Variants in SLC4A5 observed in about 807,000 individuals in gnomAD.
The protein encoded by SLC4A5 is solute carrier family 4 member 5, also known as electrogenic sodium bicarbonate cotransporter 4.
In SLC4A5, 96 loss-of-function variants were observed where a neutral mutation model predicts 120.4. That is an observed-to-expected ratio of 0.80 (90% confidence interval 0.68 to 0.94). The LOEUF is 0.94. Ranked by LOEUF, SLC4A5 falls within the 40% of genes least tolerant of loss-of-function variation. SLC4A5 has a pLI of 0.00. For missense variants in SLC4A5, 1,259 were observed against 1,459.5 expected (o/e 0.86, Z 2.24); for synonymous variants, 550 against 571.1 (o/e 0.96, Z 0.53).
intron 8 of SLC4A5, among the ~76,000 whole-genome samples, chr2:74,267,259 A>C (rs2104064253): frequency 6.6e-6 from 1 of 152,304 alleles, no homozygotes; most frequent in East Asian, 1.9e-4. Context: ...TTCAACATTC[A>C]GTGTGCATGC....
intron 4 of SLC4A5, among the ~76,000 whole-genome samples, chr2:74,328,804 T>G (rs1190184208): frequency 6.6e-6 from 1 of 152,230 alleles, no homozygotes; most frequent in Non-Finnish European, 1.5e-5. Context: ...ACCTAAATGT[T>G]CAGCTGTCAG....
intron 30 of SLC4A5, among the ~76,000 whole-genome samples, chr2:74,219,740 G>T (rs901240098): frequency 6.6e-6 from 1 of 152,138 alleles, no homozygotes; most frequent in African/African-American, 2.4e-5. Context: ...TTTTATAAAT[G>T]AAAATAAGAT....
intron 17 of SLC4A5, among the ~76,000 whole-genome samples, 168 bp downstream of exon 17, chr2:74,250,175 G>A (rs1306858191): frequency 6.6e-6 from 1 of 152,166 alleles, no homozygotes; most frequent in Non-Finnish European, 1.5e-5. Flanking sequence ...TTTTAATATT[G>A]TCTTATTATA....
At chr2:74,324,841 T>A (rs935111568) in intron 5 of SLC4A5, among the ~76,000 whole-genome samples, 6 of 152,126 alleles carry the variant, frequency 3.9e-5, no homozygotes, top group African/African-American at 1.4e-4. Flanking sequence ...TGTCCTTAAC[T>A]GGGCCAATCA....
At chr2:74,276,156 G>A (rs541700552) in intron 8 of SLC4A5, among the ~76,000 whole-genome samples, 3 of 152,040 alleles carry the variant, frequency 2.0e-5, no homozygotes, top group African/African-American at 4.8e-5. Context: ...GAGAAGGAGA[G>A]AAAAAGAGAA....
chr2:74,281,661 CA>C, intron 8 of SLC4A5, among the ~76,000 whole-genome samples: 1 of 152,266 alleles, frequency 6.6e-6, no homozygotes, highest in African/African-American at 2.4e-5. Flanking sequence ...CAGCAGAGCT[CA>C]AAAAGCCATT....
chr2:74,268,506 C>T (rs1396302851), intron 8 of SLC4A5, among the ~76,000 whole-genome samples: 1 of 152,254 alleles, frequency 6.6e-6, no homozygotes. Context: ...TTGATAGGAA[C>T]AGTTCTCAAC....
At chr2:74,329,817 T>A (rs938899308) in intron 4 of SLC4A5, among the ~76,000 whole-genome samples, 1 of 151,574 alleles carries the variant, frequency 6.6e-6, no homozygotes, top group Non-Finnish European at 1.5e-5. Flanking sequence ...GATGGAAGTG[T>A]GAGGTGTAGA....
Position 74,248,495 on chromosome 2 carries a change from A to C in SLC4A5, c.1654-9T>G. On this transcript the variant is annotated splice_polypyrimidine_tract_variant and intron_variant, in intron 17 of 30. Coordinates refer to ENST00000394019, the Ensembl canonical transcript of SLC4A5. ...AAGCTCTCCATCACTCCCTGGGGGC[A>C]CAAGGAATGTGTGGTTCAGCATAGG... The C allele has an allele frequency of 6.2e-7, 1 of 1,613,818 alleles. No individual in the cohort carries two copies. The highest frequency in any genetic ancestry group is 8.5e-7 in the Non-Finnish European group (1 of 1,179,864).
intron 21 of SLC4A5, among the ~76,000 whole-genome samples, chr2:74,238,567 T>C (rs556340120): frequency 1.0e-3 from 159 of 152,254 alleles, no homozygotes; most frequent in Middle Eastern, 6.8e-3. Flanking sequence ...CCCTGTCATA[T>C]AGGAATATTT....
rs982029392 is a variant in SLC4A5 at position 74,322,962 on chromosome 2, G to C, written c.-3+5158C>G. 2.6e-5 allele frequency among the ~76,000 whole-genome samples: 4 copies of C among 152,294 alleles called. No homozygotes were observed. In the South Asian group the frequency reaches 8.3e-4, roughly 32 times the overall value. The stretch of plus-strand genomic sequence containing the variant: ...TTAAATAAGAGAAGATAATGGGCAG[G>C]GTGCGGTGTCTCACACCTGTAATCC... On this transcript the variant is annotated intron_variant, in intron 5 of 30. Coordinates refer to ENST00000394019, the Ensembl canonical transcript of SLC4A5.
exon 7 of SLC4A5, chr2:74,304,596 T>C: frequency 3.1e-6 from 5 of 1,614,202 alleles, no homozygotes; most frequent in Non-Finnish European, 4.2e-6. Context: ...GTGGACTTTT[T>C]GCAGGCCTGA....
intron 23 of SLC4A5, 117 bp from the exon 24 acceptor site, chr2:74,232,764 G>T (rs921130805): frequency 2.7e-5 from 34 of 1,274,858 alleles, no homozygotes; most frequent in Non-Finnish European, 3.6e-5. Flanking sequence ...TACTGAAGGG[G>T]CCTGAGGTGC....
At chr2:74,318,463 A>G (rs542641176) in intron 5 of SLC4A5, among the ~76,000 whole-genome samples, 4 of 152,108 alleles carry the variant, frequency 2.6e-5, no homozygotes, top group Non-Finnish European at 5.9e-5. Context: ...GGTGGGGGGG[A>G]TGGCCTGAGG....
Position 74,295,928 on chromosome 2 carries a change from T to C in SLC4A5, c.271+8561A>G, listed in dbSNP as rs746478577. Among the ~76,000 whole-genome samples, 5 of 152,296 alleles carry C rather than the reference T, an allele frequency of 3.3e-5. No homozygotes were observed. In the East Asian group the frequency reaches 7.7e-4, roughly 23 times the overall value. On this transcript the variant is annotated intron_variant, in intron 7 of 30. Transcript: ENST00000394019. ...AGAAGCCTTTGGAAATTCACAGACA[T>C]TTAAGCAAAGGTGTGGGCCTATTCT... is the stretch of plus-strand genomic sequence containing the variant.
chr2:74,312,263 GTGTGTGTGTA>G (rs1236573520), intron 6 of SLC4A5, among the ~76,000 whole-genome samples: 11 of 151,090 alleles, frequency 7.3e-5, no homozygotes, highest in African/African-American at 2.2e-4. Flanking sequence ...GTGTGTGTGT[GTGTGTGTGTA>G]TATGCATTTT....
At chr2:74,290,619 A>AAGGGAGAGAGAGAGAGAG (rs1573067714) in intron 7 of SLC4A5, 2 of 910,570 alleles carry the variant, frequency 2.2e-6, no homozygotes, top group Non-Finnish European at 1.3e-6. Flanking sequence ...AGAGACAGAG[A>AAGGGAGAGAGAGAGAGAG]AGTGAGAGAG....
intron 29 of SLC4A5, 56 bp downstream of exon 29, chr2:74,222,812 G>A: frequency 1.4e-6 from 2 of 1,449,910 alleles, no homozygotes; most frequent in Non-Finnish European, 1.9e-6. Flanking sequence ...AGTTCCTAGG[G>A]GAAAGACATG....
chr2:74,239,583 G>A (rs1474192084), intron 20 of SLC4A5, 48 bp from the exon 21 acceptor site: 1 of 1,584,686 alleles, frequency 6.3e-7, no homozygotes, highest in Non-Finnish European at 8.7e-7. Context: ...TTCCTGATGA[G>A]TCAGCTGTGT....
Sources: gnomAD v4.1 joint callset for allele counts (sites outside exome capture counted in the v4.1 genomes callset) on GRCh38, gnomAD v4.1.1 for gene constraint, MANE v1.5 for transcripts, NCBI Gene and HGNC (gene_info 2026-07-23, HGNC 2026-07-21) for gene names.